GLI3: variants seen among roughly 807,000 people sequenced by gnomAD.
GLI3 encodes the protein transcription activator GLI3.
In GLI3, 20 loss-of-function variants were observed where a neutral mutation model predicts 100.8. The observed-to-expected ratio is 0.20, with a 90% CI of 0.14 to 0.29. The LOEUF is 0.29. Among genes scored for constraint, GLI3 ranks in the 10% least tolerant of loss-of-function variants. GLI3 has a pLI of 1.00. For synonymous variants in GLI3, 938 were observed against 860.5 expected (o/e 1.09, Z -1.58); for missense variants, 2,040 against 2,128.5 (o/e 0.96, Z 0.82).
At chr7:42,142,764 A>C (rs1270329527) in intron 3 of GLI3, among the ~76,000 whole-genome samples, 1 of 151,000 alleles carries the variant, frequency 6.6e-6, no homozygotes, top group Non-Finnish European at 1.5e-5. Context: ...CCCCGTCTCT[A>C]CTAAAAAATA....
chr7:42,044,523 T>C (rs181710973), intron 6 of GLI3, among the ~76,000 whole-genome samples: 3 of 152,314 alleles, frequency 2.0e-5, no homozygotes, highest in Admixed American at 2.0e-4. Flanking sequence ...ACAACATGCA[T>C]CAAGTAATCT....
chr7:42,226,558 A>AT (rs1229748402), intron 1 of GLI3, among the ~76,000 whole-genome samples: 1 of 152,158 alleles, frequency 6.6e-6, no homozygotes, highest in Non-Finnish European at 1.5e-5. Context: ...TCTGAAATGG[A>AT]TTTTTTTAAA....
intron 2 of GLI3, among the ~76,000 whole-genome samples, chr7:42,172,026 A>G (rs1485714676): frequency 6.6e-6 from 1 of 152,032 alleles, no homozygotes; most frequent in Non-Finnish European, 1.5e-5. Flanking sequence ...GCTCTCATGC[A>G]TGAGATCTCA....
At chr7:42,251,393 C>G (rs970220376) in intron 1 of GLI3, among the ~76,000 whole-genome samples, 1 of 152,238 alleles carries the variant, frequency 6.6e-6, no homozygotes, top group African/African-American at 2.4e-5. Flanking sequence ...TGCTGCTGAT[C>G]TGACAGGAGG....
intron 3 of GLI3, among the ~76,000 whole-genome samples, chr7:42,088,461 A>G (rs1785150171): frequency 6.6e-6 from 1 of 152,130 alleles, no homozygotes; most frequent in African/African-American, 2.4e-5. Flanking sequence ...GCTTAATTCC[A>G]GTTGGAATGC....
At chr7:42,003,966 A>C (rs1788381535) in intron 10 of GLI3, among the ~76,000 whole-genome samples, 1 of 152,212 alleles carries the variant, frequency 6.6e-6, no homozygotes. Flanking sequence ...AGAGTAACTC[A>C]CCTGGCACAC....
intron 3 of GLI3, among the ~76,000 whole-genome samples, chr7:42,103,912 T>C (rs979152617): frequency 6.6e-6 from 1 of 151,732 alleles, no homozygotes; most frequent in Non-Finnish European, 1.5e-5. Context: ...AATAACAGAG[T>C]TAATAAAAGA....
chr7:41,967,460 G>T, intron 14 of GLI3, 136 bp downstream of exon 14: 2 of 719,002 alleles, frequency 2.8e-6, no homozygotes, highest in Non-Finnish European at 4.9e-6. Context: ...AACTTGAATG[G>T]GCTAAACATT....
intron 2 of GLI3, among the ~76,000 whole-genome samples, chr7:42,220,054 G>A (rs753958046): frequency 1.4e-4 from 21 of 151,858 alleles, no homozygotes; most frequent in Admixed American, 4.6e-4. Context: ...GGGTTTCACC[G>A]CGTTAGCCAG....
intron 3 of GLI3, among the ~76,000 whole-genome samples, chr7:42,129,548 C>A (rs1225803297): frequency 6.6e-6 from 1 of 152,086 alleles, no homozygotes; most frequent in Non-Finnish European, 1.5e-5. Context: ...CGGTGGCTCA[C>A]GCCTGTAATC....
chr7:42,237,933 G>C (rs983761367), upstream of GLI3: 1 of 147,792 alleles, frequency 6.8e-6, no homozygotes, highest in African/African-American at 2.5e-5. Flanking sequence ...GGCTGGGGGG[G>C]AGCCCGGGCG....
At chr7:42,106,967 G>C (rs1344462010) in intron 3 of GLI3, among the ~76,000 whole-genome samples, 1 of 152,204 alleles carries the variant, frequency 6.6e-6, no homozygotes, top group African/African-American at 2.4e-5. Context: ...AACAATGTGG[G>C]AACTACTGAT....
chr7:42,259,211 C>A (rs1042676116), intron 1 of GLI3, among the ~76,000 whole-genome samples: 2 of 152,130 alleles, frequency 1.3e-5, no homozygotes, highest in African/African-American at 2.4e-5. Context: ...CTACATTATT[C>A]TTATAAACAA....
intron 1 of GLI3, among the ~76,000 whole-genome samples, chr7:42,230,696 C>T (rs892429565): frequency 2.6e-5 from 4 of 152,224 alleles, no homozygotes; most frequent in Admixed American, 2.6e-4. Flanking sequence ...AGTATGAGGT[C>T]TCCATCTAAT....
At chr7:42,148,514 A>G in intron 2 of GLI3, 46 bp from the exon 3 acceptor site, 1 of 1,569,862 alleles carries the variant, frequency 6.4e-7, no homozygotes, top group East Asian at 2.2e-5. Context: ...TACTTTAAGG[A>G]GCAATTAAAA....
chr7:42,076,503 G>T (rs1784880907), intron 4 of GLI3, among the ~76,000 whole-genome samples: 1 of 152,168 alleles, frequency 6.6e-6, no homozygotes, highest in African/African-American at 2.4e-5. Context: ...ACAGCCCACA[G>T]AACACACGTC....
intron 2 of GLI3, among the ~76,000 whole-genome samples, chr7:42,156,939 T>C (rs1031888111): frequency 4.6e-5 from 7 of 152,252 alleles, no homozygotes; most frequent in Non-Finnish European, 1.0e-4. Flanking sequence ...TGTTTTTGTT[T>C]TTAGAAGATC....
intron 10 of GLI3, among the ~76,000 whole-genome samples, chr7:42,001,919 G>C (rs1788305481): frequency 6.6e-6 from 1 of 152,148 alleles, no homozygotes; most frequent in Admixed American, 6.5e-5. Flanking sequence ...GGGGCAAGGA[G>C]TGATATTTAT....
intron 2 of GLI3, among the ~76,000 whole-genome samples, chr7:42,204,905 AT>A (rs1366759210): frequency 1.3e-5 from 2 of 152,148 alleles, no homozygotes. Flanking sequence ...TTCTGTACTT[AT>A]TGACATGGCT....
Sources: allele counts gnomAD v4.1 joint callset (sites outside exome capture counted in the v4.1 genomes callset), GRCh38; gene constraint gnomAD v4.1.1; transcripts MANE v1.5; gene names NCBI Gene and HGNC (gene_info 2026-07-23, HGNC 2026-07-21).